The following IPMK variants were observed in gnomAD, a reference collection of about 807,000 sequenced individuals.
The protein encoded by IPMK is inositol polyphosphate multikinase.
A neutral mutation model predicts 45.8 loss-of-function variants in IPMK; 17 were observed. The observed-to-expected ratio is 0.37, with a 90% CI of 0.25 to 0.56. The LOEUF is 0.56. Ranked by LOEUF, IPMK falls within the 20% of genes least tolerant of loss-of-function variation. IPMK has a pLI of 0.79. For missense variants in IPMK, 399 were observed against 498.0 expected, an observed-to-expected ratio of 0.80 and a Z score of 1.89; for synonymous variants, 180 against 184.3, an observed-to-expected ratio of 0.98 and a Z score of 0.19.
Position 58,230,912 on chromosome 10 carries a change from G to A in IPMK, c.277-3773C>T, listed in dbSNP as rs558427362. ...AGGAGGATGTTCGAACCCATCGTAA[G>A]GAAGCTAAAAACCTTGAAAAAAGAT... On this transcript the variant is annotated intron_variant, in intron 2 of 5. Coordinates refer to ENST00000373935, the MANE Select transcript of IPMK (RefSeq NM_152230.5). 4.6e-5 allele frequency among the ~76,000 whole-genome samples: 7 copies of A among 152,196 alleles called. No homozygotes were observed. The East Asian group carries it at 1.4e-3, about 29-fold the overall frequency.
intron 1 of IPMK, among the ~76,000 whole-genome samples, chr10:58,248,141 C>G (rs1838829232): frequency 6.6e-6 from 1 of 151,856 alleles, no homozygotes; most frequent in South Asian, 2.1e-4. Context: ...CTGATAAACA[C>G]TGTTTATACT....
chr10:58,203,352 T>C (rs964571992), intron 4 of IPMK, among the ~76,000 whole-genome samples: 3 of 152,372 alleles, frequency 2.0e-5, no homozygotes, highest in African/African-American at 7.2e-5. Context: ...GGTCTCGCTC[T>C]GTCACCCAGG....
At chr10:58,219,739 A>AT (rs1246974997) in intron 3 of IPMK, among the ~76,000 whole-genome samples, 2 of 152,240 alleles carry the variant, frequency 1.3e-5, no homozygotes, top group East Asian at 3.8e-4. Flanking sequence ...AAAAGAGAAT[A>AT]TATGAGACTA....
intron 4 of IPMK, among the ~76,000 whole-genome samples, chr10:58,214,956 G>A (rs533932745): frequency 3.3e-5 from 5 of 152,098 alleles, no homozygotes; most frequent in East Asian, 1.9e-4. Context: ...CTGTTTTCTC[G>A]CCCCATAAAT....
chr10:58,197,848 C>T (rs933950240), intron 5 of IPMK, among the ~76,000 whole-genome samples: 1 of 152,028 alleles, frequency 6.6e-6, no homozygotes, highest in East Asian at 1.9e-4. Flanking sequence ...GCCTGGCCAA[C>T]ATGGTAAAAC....
At chr10:58,257,028 C>A (rs181534766) in intron 1 of IPMK, among the ~76,000 whole-genome samples, 1 of 152,288 alleles carries the variant, frequency 6.6e-6, no homozygotes, top group African/African-American at 2.4e-5. Flanking sequence ...ATCACACCAC[C>A]ACGCTCTGGT....
At chr10:58,211,986 G>T (rs1168336324) in intron 4 of IPMK, among the ~76,000 whole-genome samples, 2 of 151,154 alleles carry the variant, frequency 1.3e-5, no homozygotes, top group Non-Finnish European at 2.9e-5. Flanking sequence ...TCAGTTTTGT[G>T]GGGTTTTTTT....
intron 1 of IPMK, among the ~76,000 whole-genome samples, chr10:58,256,977 A>G (rs1356830137): frequency 6.6e-6 from 1 of 152,158 alleles, no homozygotes; most frequent in Non-Finnish European, 1.5e-5. Context: ...AGATGGGAGG[A>G]TCACTTGAGC....
At chr10:58,212,136 C>T (rs977867071) in intron 4 of IPMK, among the ~76,000 whole-genome samples, 3 of 151,988 alleles carry the variant, frequency 2.0e-5, no homozygotes, top group Non-Finnish European at 4.4e-5. Context: ...TTTACTGCAA[C>T]TCAGAATTAA....
chr10:58,217,406 C>T (rs963405523), intron 3 of IPMK, among the ~76,000 whole-genome samples: 5 of 151,506 alleles, frequency 3.3e-5, no homozygotes, highest in Admixed American at 6.6e-5. Flanking sequence ...AGAACCGTCT[C>T]GGCCAGGTGA....
intron 4 of IPMK, 133 bp downstream of exon 4, chr10:58,216,012 T>C (rs1340650312): frequency 1.2e-5 from 7 of 606,398 alleles, no homozygotes; most frequent in South Asian, 1.0e-4. Flanking sequence ...ACTTTTCACA[T>C]TGGGGAGTTA....
intron 3 of IPMK, among the ~76,000 whole-genome samples, chr10:58,217,746 T>C (rs1435493268): frequency 6.8e-6 from 1 of 148,026 alleles, no homozygotes; most frequent in Non-Finnish European, 1.5e-5. Flanking sequence ...TCATGACTCA[T>C]TTTTTAGTTA....
chr10:58,257,821 C>T (rs906109628), intron 1 of IPMK, among the ~76,000 whole-genome samples: 1 of 152,012 alleles, frequency 6.6e-6, no homozygotes, highest in Non-Finnish European at 1.5e-5. Flanking sequence ...CTACAAGAAA[C>T]AGAACATTAA....
intron 4 of IPMK, among the ~76,000 whole-genome samples, chr10:58,203,810 A>G (rs761759743): frequency 3.1e-4 from 47 of 152,242 alleles, no homozygotes; most frequent in Non-Finnish European, 5.0e-4. Flanking sequence ...GTAAAATTCT[A>G]TCAAAGAGCA....
At chr10:58,253,742 A>AG (rs934779787) in intron 1 of IPMK, among the ~76,000 whole-genome samples, 2 of 136,618 alleles carry the variant, frequency 1.5e-5, no homozygotes, top group African/African-American at 6.4e-5. Context: ...TCCAAAAAAA[A>AG]AAAAAAAAGA....
intron 5 of IPMK, among the ~76,000 whole-genome samples, chr10:58,197,804 G>A (rs1588949834): frequency 1.3e-5 from 2 of 152,156 alleles, no homozygotes; most frequent in South Asian, 2.1e-4. Context: ...AGGCAGAGGC[G>A]GGTGGATCAC....
chr10:58,248,850 T>C (rs1115435), intron 1 of IPMK, among the ~76,000 whole-genome samples: 51,477 of 152,070 alleles, frequency 0.34, 10,959 homozygotes, highest in African/African-American at 0.61. Context: ...ATTCCATCCA[T>C]GTTGCTGCAA....
chr10:58,216,360 T>C, intron 3 of IPMK, 43 bp from the exon 4 acceptor site: 2 of 935,176 alleles, frequency 2.1e-6, no homozygotes, highest in East Asian at 3.0e-5. Flanking sequence ...GGCAAACATA[T>C]TACTACTCAA....
rs539589933 is a variant in IPMK, at chr10:58,199,314, T to C, written c.554A>G (p.His185Arg). The C allele has an allele frequency of 7.5e-6, 12 of 1,601,012 alleles. No homozygotes were observed. In the African/African-American group the frequency reaches 1.1e-4, roughly 14 times the overall value. ...GFLVLGMRVY[H>R]VHSDSYETEN... is the part of the protein sequence containing the mutation. ...TGTCTCATAGCTATCGGAATGAACATGATAAACCTGTCAAAAAAAGCAGTG... is the reference window on the plus strand; with the variant it reads ...TGTCTCATAGCTATCGGAATGAACACGATAAACCTGTCAAAAAAAGCAGTG... The change falls in exon 5 of 6, where the codon CAT becomes CGT. Residue 185 changes from histidine to arginine, a missense_variant. Around this residue, in one of 2 missense-constraint regions of IPMK, gnomAD observed 288 missense variants for 398.0 expected, o/e 0.72. Transcript: ENST00000373935.
Sources: gnomAD v4.1 joint callset for allele counts (sites outside exome capture counted in the v4.1 genomes callset) on GRCh38, gnomAD v4.1.1 for gene constraint, gnomAD v4.1.1 regional missense constraint, MANE v1.5 for transcripts, NCBI Gene and HGNC (gene_info 2026-07-23, HGNC 2026-07-21) for gene names.